Variants in EXOC1 observed in about 807,000 individuals in gnomAD.
The protein encoded by EXOC1 is exocyst complex component 1, also known as SEC3-like 1.
EXOC1 carries 67 observed loss-of-function variants against 107.7 expected under a neutral mutation model. The observed-to-expected ratio is 0.62, with a 90% CI of 0.51 to 0.76. The LOEUF (loss-of-function observed/expected upper bound fraction) is 0.76. EXOC1 is among the 30% of genes least tolerant of loss of function. EXOC1 has a pLI of 0.00. For synonymous variants in EXOC1, 348 were observed against 353.5 expected (o/e 0.98, Z 0.17); for missense variants, 833 against 1,055.7 (o/e 0.79, Z 2.92).
intron 15 of EXOC1, among the ~76,000 whole-genome samples, chr4:55,894,941 T>A (rs1213675062): frequency 6.6e-6 from 1 of 152,098 alleles, no homozygotes; most frequent in Non-Finnish European, 1.5e-5. Context: ...TTTTTATACT[T>A]GTATGTATGA....
intron 8 of EXOC1, among the ~76,000 whole-genome samples, chr4:55,874,317 AT>A (rs1398946302): frequency 6.6e-5 from 10 of 152,144 alleles, no homozygotes; most frequent in Non-Finnish European, 1.3e-4. Flanking sequence ...AAGAAATAAA[AT>A]TCGGAGACTG....
intron 9 of EXOC1, among the ~76,000 whole-genome samples, chr4:55,880,755 A>G (rs888471492): frequency 6.6e-6 from 1 of 152,212 alleles, no homozygotes; most frequent in Non-Finnish European, 1.5e-5. Context: ...GTAATGATTT[A>G]TGGAATCATT....
intron 8 of EXOC1, chr4:55,875,716 GTATGA>G: frequency 1.0e-6 from 1 of 985,288 alleles, no homozygotes; most frequent in Non-Finnish European, 1.2e-6. Context: ...GTAAACATTT[GTATGA>G]TATAAGTCTG....
At chr4:55,875,475 T>TTG in intron 8 of EXOC1, 2 of 980,652 alleles carry the variant, frequency 2.0e-6, no homozygotes, top group East Asian at 2.3e-4. Context: ...AAAAAGTCAC[T>TTG]ATAGCAAAGT....
chr4:55,892,339 C>T (rs1010593282), intron 13 of EXOC1, among the ~76,000 whole-genome samples: 2 of 152,068 alleles, frequency 1.3e-5, no homozygotes, highest in African/African-American at 2.4e-5. Context: ...GCTGCCCCCA[C>T]TCCCACACCT....
At chr4:55,873,452 G>T (rs538293854) in intron 8 of EXOC1, among the ~76,000 whole-genome samples, 7 of 152,214 alleles carry the variant, frequency 4.6e-5, no homozygotes, top group African/African-American at 1.2e-4. Flanking sequence ...TTTTAAAAAT[G>T]ACACTGTTGA....
intron 10 of EXOC1, 111 bp downstream of exon 10, chr4:55,884,039 G>T (rs1462544863): frequency 1.4e-6 from 1 of 720,658 alleles, no homozygotes; most frequent in East Asian, 3.1e-5. Flanking sequence ...CAGAATTTAT[G>T]AAAAAAGAGG....
chr4:55,860,286 T>G, intron 2 of EXOC1, 125 bp from the exon 3 acceptor site: 1 of 1,169,836 alleles, frequency 8.5e-7, no homozygotes, highest in Non-Finnish European at 1.2e-6. Flanking sequence ...TAGCACTTGT[T>G]GCAAAGTATT....
At chr4:55,854,963 AGAG>A (rs1254462297) in intron 1 of EXOC1, among the ~76,000 whole-genome samples, 3 of 152,256 alleles carry the variant, frequency 2.0e-5, no homozygotes, top group Non-Finnish European at 2.9e-5. Flanking sequence ...GTAGAAATTT[AGAG>A]GAGAGATCAC....
intron 4 of EXOC1, among the ~76,000 whole-genome samples, chr4:55,864,745 C>T (rs1221201642): frequency 1.3e-5 from 2 of 152,062 alleles, no homozygotes; most frequent in Non-Finnish European, 2.9e-5. Flanking sequence ...AATACTTACC[C>T]CAACATTATT....
chr4:55,876,917 A>G (rs1315456147), intron 8 of EXOC1: 1 of 985,202 alleles, frequency 1.0e-6, no homozygotes, highest in African/African-American at 1.7e-5. Context: ...ATGGATAATG[A>G]TGTGGGTTTT....
chr4:55,894,782 C>T (rs889075992), intron 15 of EXOC1, among the ~76,000 whole-genome samples: 1 of 151,764 alleles, frequency 6.6e-6, no homozygotes, highest in Non-Finnish European at 1.5e-5. Flanking sequence ...GCCACCACGC[C>T]CTGCTAGTTT....
At chr4:55,890,490 CTT>C in intron 12 of EXOC1, 104 bp downstream of exon 12, 1 of 740,698 alleles carries the variant, frequency 1.4e-6, no homozygotes, top group East Asian at 3.0e-5. Flanking sequence ...TTCTGGCTCT[CTT>C]AAGCATTAAC....
intron 12 of EXOC1, 144 bp downstream of exon 12, chr4:55,890,530 G>GAA: frequency 1.1e-5 from 4 of 361,224 alleles, no homozygotes; most frequent in Non-Finnish European, 1.4e-5. Context: ...ATCGAATCTG[G>GAA]GAAAAAAAAA....
intron 9 of EXOC1, 126 bp downstream of exon 9, chr4:55,878,192 A>C (rs892737496): frequency 8.3e-5 from 87 of 1,053,608 alleles, no homozygotes; most frequent in Non-Finnish European, 3.1e-5. Flanking sequence ...AAAATGAGTC[A>C]GTGCTCTTTA....
intron 15 of EXOC1, among the ~76,000 whole-genome samples, chr4:55,894,988 A>G (rs1486462037): frequency 6.6e-6 from 1 of 152,066 alleles, no homozygotes; most frequent in Non-Finnish European, 1.5e-5. Context: ...CTTCATGAAC[A>G]CTTCTCAAGG....
In EXOC1 at chr4:55,886,575, C is replaced by CA. The variant is rs71832369; in HGVS notation, c.1331-2299dup. Among the ~76,000 whole-genome samples, 558 of 96,106 alleles carry CA rather than the reference C, an allele frequency of 5.8e-3. 1 individual carries two copies. The highest frequency in any genetic ancestry group is 8.3e-3 in the Non-Finnish European group (355 of 42,938). 63.0% of individuals were successfully genotyped at this position (96,106 alleles called of 152,430 possible). A position where few individuals can be genotyped will look rare whatever the true frequency, so the allele number is the denominator to read the frequency against. ...CTCAAAAAACAAAAAAACAAAAAAA[C>CA]AAAAAAAAAAAAAACAAGAAATGTA... is the stretch of plus-strand genomic sequence containing the variant. On this transcript the variant is annotated intron_variant, in intron 10 of 18. Coordinates refer to ENST00000381295, the MANE Select transcript of EXOC1 (RefSeq NM_001024924.2).
chr4:55,860,682 A>G (rs1721394392), intron 3 of EXOC1, 141 bp downstream of exon 3: 1 of 948,336 alleles, frequency 1.1e-6, no homozygotes, highest in Non-Finnish European at 1.5e-6. Flanking sequence ...TTAAGCTATA[A>G]TTATGTTTGT....
intron 8 of EXOC1, among the ~76,000 whole-genome samples, chr4:55,873,187 C>T (rs909165126): frequency 2.0e-5 from 3 of 151,978 alleles, no homozygotes; most frequent in Non-Finnish European, 2.9e-5. Flanking sequence ...TAGTAGTTCA[C>T]AGTCTAGGGA....
Sources: allele counts gnomAD v4.1 joint callset (sites outside exome capture counted in the v4.1 genomes callset), GRCh38; gene constraint gnomAD v4.1.1; transcripts MANE v1.5; gene names NCBI Gene and HGNC (gene_info 2026-07-23, HGNC 2026-07-21).